Variants in ACTG1 observed in about 807,000 individuals in gnomAD.
ACTG1 encodes actin, cytoplasmic 2.
In ACTG1, 14 loss-of-function variants were observed where a neutral mutation model predicts 34.3. The ratio of observed to expected loss-of-function variants is 0.41; its 90% CI spans 0.27 to 0.64. The LOEUF (loss-of-function observed/expected upper bound fraction) is 0.64. Among genes scored for constraint, ACTG1 ranks in the 30% least tolerant of loss-of-function variants. ACTG1 has a pLI of 0.33. For missense variants in ACTG1, 233 were observed against 529.5 expected, an observed-to-expected ratio of 0.44 and a Z score of 5.50; for synonymous variants, 422 against 213.9, an observed-to-expected ratio of 1.97 and a Z score of -8.49.
chr17:81,510,645 C>T lies in ACTG1; in HGVS notation c.*45G>A, dbSNP rs376197836. 49 of 1,612,218 alleles carry T rather than the reference C, an allele frequency of 3.0e-5. No homozygotes were observed. The highest frequency in any genetic ancestry group is 1.9e-4 in the Middle Eastern group (1 of 5,170). On this transcript the variant is annotated 3_prime_UTR_variant, in exon 6 of 6. Coordinates refer to ENST00000573283, the MANE Select transcript of ACTG1 (RefSeq NM_001614.5). ...CATTTGCCAGGGGCAAATTTCTATT[C>T]TCAATTAACCCATGCAGCAAATGCT...
In ACTG1 at chr17:81,511,930, G is replaced by A. The variant is rs532725688; in HGVS notation, c.336C>T (p.Pro112=). 8.1e-6 allele frequency: 13 copies of A among 1,614,104 alleles called. No homozygotes were observed. In the East Asian group the frequency reaches 2.0e-4, roughly 25 times the overall value. Residue 112 remains proline, a synonymous_variant, in exon 3 of 6, where the codon CCC becomes CCT. Coordinates refer to ENST00000573283, the MANE Select transcript of ACTG1 (RefSeq NM_001614.5). ...GAGTCATCTTCTCTCTGTTGGCCTT[G>A]GGGTTCAGGGGGGCCTCGGTCAGCA... ...PVLLTEAPLN[P]KANREKMTQI...
rs782314542 is a variant in ACTG1, at chr17:81,512,366, C to A, written c.-6-6G>T. On this transcript the variant is annotated splice_region_variant and splice_polypyrimidine_tract_variant and intron_variant, in intron 1 of 5. Coordinates refer to ENST00000573283, the MANE Select transcript of ACTG1 (RefSeq NM_001614.5). Reference sequence around the variant, plus strand: ...ATCTCTTCTTCCATTGCGACCTGCCCGGAAAAGGATGGACTCAGGCGGGCG... The same window carrying A: ...ATCTCTTCTTCCATTGCGACCTGCCAGGAAAAGGATGGACTCAGGCGGGCG... 3.7e-6 allele frequency: 6 copies of A among 1,613,800 alleles called. No homozygotes were observed. The highest frequency in any genetic ancestry group is 3.4e-6 in the Non-Finnish European group (4 of 1,179,942).
At position 81,511,925 on chromosome 17, in the gene ACTG1, G is replaced by A. The variant is rs1555667047; in HGVS notation, c.341C>T (p.Ala114Val). Residue 114 changes from alanine (A) to valine (V), a missense_variant, in exon 3 of 6, where the codon GCC (alanine) becomes GTC (valine). Ala to Val is a moderately conservative substitution (Grantham distance 64). Coordinates refer to ENST00000573283, the MANE Select transcript of ACTG1 (RefSeq NM_001614.5). Reference sequence around the variant, plus strand: ...CACCTGAGTCATCTTCTCTCTGTTGGCCTTGGGGTTCAGGGGGGCCTCGGT... The same window carrying A: ...CACCTGAGTCATCTTCTCTCTGTTGACCTTGGGGTTCAGGGGGGCCTCGGT... ...LLTEAPLNPKANREKMTQIMF... is the reference protein window; with the variant it reads ...LLTEAPLNPKVNREKMTQIMF... The A allele has an allele frequency of 1.2e-6, 2 of 1,614,114 alleles. No homozygotes were observed. Among genetic ancestry groups the A allele is most frequent in the Non-Finnish European group, 8.5e-7 (1 of 1,180,020 alleles).
At chr17:81,511,735 G>T (rs761937946) in intron 3 of ACTG1, 109 bp from the exon 4 acceptor site, 155 of 1,516,660 alleles carry the variant, frequency 1.0e-4, no homozygotes, top group Non-Finnish European at 1.3e-4. Flanking sequence ...GAAAAGAAAA[G>T]AACGCAGGCA....
In ACTG1 at chr17:81,512,290, G is replaced by A. The variant is rs199524509; in HGVS notation, c.65C>T (p.Ala22Val). ...CACGGCTCGGGGAGCGTCGTCCCCA[G>A]CAAAACCAGCTTTGCACATGCCGGA... ...NGSGMCKAGF[A>V]GDDAPRAVFP... Residue 22 changes from alanine to valine, a missense_variant, in exon 2 of 6, where the codon GCT becomes GTT. Ala to Val is a moderately conservative substitution (Grantham distance 64). Coordinates refer to ENST00000573283, the MANE Select transcript of ACTG1 (RefSeq NM_001614.5). The A allele has an allele frequency of 1.2e-6, 2 of 1,613,906 alleles. No individual in the cohort carries two copies. Among genetic ancestry groups the A allele is most frequent in the South Asian group, 1.1e-5 (1 of 91,084 alleles).
At position 81,511,641 on chromosome 17, in the gene ACTG1, G is replaced by C. The variant is rs781819345; in HGVS notation, c.364-15C>G. 5.6e-6 allele frequency: 9 copies of C among 1,611,290 alleles called. No homozygotes were observed. The highest frequency in any genetic ancestry group is 6.8e-6 in the Non-Finnish European group (8 of 1,178,834). On this transcript the variant is annotated splice_polypyrimidine_tract_variant and intron_variant, in intron 3 of 5. Coordinates refer to ENST00000573283, the MANE Select transcript of ACTG1 (RefSeq NM_001614.5). ...TCAAACATAATCTGAGAAGGGACAA[G>C]GGGCGGCTTAGTCAGGGACAGAGAC...
chr17:81,510,362 C>T lies in ACTG1; in HGVS notation c.*328G>A, dbSNP rs1378241830. The T allele has an allele frequency of 4.4e-6, 2 of 457,624 alleles. No homozygotes were observed. Among genetic ancestry groups the T allele is most frequent in the Non-Finnish European group, 8.2e-6 (2 of 242,686 alleles). The allele number at this position is 457,624 out of a possible 1,614,324, so 28.3% of individuals were successfully genotyped here. ...GATCAGAGGCTGCTGGCCACACAGA[C>T]TCACCAAGCCACAGACTTGTCTTCC... On this transcript the variant is annotated 3_prime_UTR_variant, in exon 6 of 6. Transcript: ENST00000573283.
chr17:81,510,671 A>ACGCAT lies in ACTG1; in HGVS notation c.*14_*18dup. On this transcript the variant is annotated 3_prime_UTR_variant, in exon 6 of 6. Transcript: ENST00000573283. ...TCAATTAACCCATGCAGCAAATGCT[A>ACGCAT]CGCATCTGCTGAGTCCGTTTAGAAG... 6.2e-7 allele frequency: 1 copy of ACGCAT among 1,613,346 alleles called. No homozygotes were observed. The highest frequency in any genetic ancestry group is 8.5e-7 in the Non-Finnish European group (1 of 1,179,680).
At chr17:81,512,517 T>TA in intron 1 of ACTG1, 157 bp from the exon 2 acceptor site, 1 of 1,224,186 alleles carries the variant, frequency 8.2e-7, no homozygotes, top group Non-Finnish European at 1.2e-6. Flanking sequence ...AGGCCGGGCC[T>TA]TTTACGTAAC....
At chr17:81,512,388 GGCGCGTCTGTAACAC>G in intron 1 of ACTG1, 28 bp from the exon 2 acceptor site, 1 of 1,613,738 alleles carries the variant, frequency 6.2e-7, no homozygotes. Context: ...GACTCAGGCG[GGCGCGTCTGTAACAC>G]GGTCCCCTCC....
rs1188613407 is a variant in ACTG1 at position 81,512,328 on chromosome 17, G to T, written c.27C>A (p.Val9=). The change falls in exon 2 of 6, where the codon GTC becomes GTA. Residue 9 remains valine, a synonymous_variant. Coordinates refer to ENST00000573283, the MANE Select transcript of ACTG1 (RefSeq NM_001614.5). MEEEIAAL[V]IDNGSGMCKA... ...TGCACATGCCGGAGCCATTGTCAAT[G>T]ACCAGCGCGGCGATCTCTTCTTCCA... 1.9e-6 allele frequency: 3 copies of T among 1,613,852 alleles called. No individual in the cohort carries two copies. The highest frequency in any genetic ancestry group is 1.7e-6 in the Non-Finnish European group (2 of 1,179,938).
In ACTG1 at chr17:81,509,992, T is replaced by C. The variant is rs1555665955; in HGVS notation, c.*698A>G. 1 of 403,072 alleles carries C rather than the reference T, an allele frequency of 2.5e-6. No individual in the cohort carries two copies. The highest frequency in any genetic ancestry group is 7.2e-5 in the East Asian group (1 of 13,978). The allele number at this position is 403,072 out of a possible 1,614,324, so 25.0% of individuals were successfully genotyped here. On this transcript the variant is annotated 3_prime_UTR_variant, in exon 6 of 6. Coordinates refer to ENST00000573283, the MANE Select transcript of ACTG1 (RefSeq NM_001614.5). ...TTCATTGGTTACGGCAGCACTTTTA[T>C]TTTTCCTTACACAATGACGTGTTGC...
chr17:81,512,503 C>G (rs2031877111), intron 1 of ACTG1, 143 bp from the exon 2 acceptor site: 3 of 1,374,910 alleles, frequency 2.2e-6, no homozygotes, highest in Admixed American at 1.8e-5. Context: ...CCGCCTGGAA[C>G]CGAAGGCCGG....
intron 3 of ACTG1, 43 bp from the exon 4 acceptor site, chr17:81,511,669 A>T (rs1422804376): frequency 1.9e-6 from 3 of 1,590,244 alleles, no homozygotes; most frequent in South Asian, 2.3e-5. Context: ...ACAGAGACCC[A>T]CGGCCACCCC....
intron 1 of ACTG1, 29 bp from the exon 2 acceptor site, chr17:81,512,389 G>T (rs1555667335): frequency 6.2e-7 from 1 of 1,613,726 alleles, no homozygotes; most frequent in Non-Finnish European, 8.5e-7. Context: ...ACTCAGGCGG[G>T]CGCGTCTGTA....
rs199699427 is a variant in ACTG1 at position 81,512,367 on chromosome 17, G to A, written c.-6-7C>T. On this transcript the variant is annotated splice_region_variant and splice_polypyrimidine_tract_variant and intron_variant, in intron 1 of 5. Transcript: ENST00000573283. ...TCTCTTCTTCCATTGCGACCTGCCC[G>A]GAAAAGGATGGACTCAGGCGGGCGC... 8.9e-5 allele frequency: 143 copies of A among 1,613,916 alleles called. No individual in the cohort carries two copies. Among genetic ancestry groups the A allele is most frequent in the African/African-American group, 7.5e-4 (56 of 75,058 alleles).
Position 81,511,228 on chromosome 17 carries a change from C to T in ACTG1, c.762G>A (p.Arg254=), listed in dbSNP as rs782163201. 1 of 1,613,766 alleles carries T rather than the reference C, an allele frequency of 6.2e-7. No individual in the cohort carries two copies. The highest frequency in any genetic ancestry group is 8.5e-7 in the Non-Finnish European group (1 of 1,180,040). The change falls in exon 4 of 6, where the codon CGG becomes CGA. Residue 254 remains arginine (R), a synonymous_variant. Coordinates refer to ENST00000573283, the MANE Select transcript of ACTG1 (RefSeq NM_001614.5). ...DGQVITIGNE[R]FRCPEALFQP... ...GGAACAGCGCCTCCGGACACCGGAACCGCTCATTGCCAATGGTGATGACCT... is the reference window on the plus strand; with the variant it reads ...GGAACAGCGCCTCCGGACACCGGAATCGCTCATTGCCAATGGTGATGACCT...
At chr17:81,512,649 C>T in intron 1 of ACTG1, 85 bp downstream of exon 1, 1 of 456,696 alleles carries the variant, frequency 2.2e-6, no homozygotes, top group African/African-American at 2.0e-5. Flanking sequence ...CGCGACGAGG[C>T]CTCGGCAGCT....
At chr17:81,511,792 G>C in intron 3 of ACTG1, 111 bp downstream of exon 3, 1 of 1,578,064 alleles carries the variant, frequency 6.3e-7, no homozygotes, top group African/African-American at 1.4e-5. Flanking sequence ...AATGCCGGGA[G>C]AGGAACAGAG....
Sources: gnomAD v4.1 joint callset for allele counts on GRCh38, gnomAD v4.1.1 for gene constraint, MANE v1.5 for transcripts, NCBI Gene and HGNC (gene_info 2026-07-23, HGNC 2026-07-21) for gene names.